Variants in BMP7 observed in about 807,000 individuals in gnomAD.
BMP7 encodes bone morphogenetic protein 7, also known as osteogenic protein 1.
In BMP7, 12 loss-of-function variants were observed where a neutral mutation model predicts 41.2. The observed-to-expected ratio is 0.29, with a 90% CI of 0.19 to 0.47. The LOEUF (loss-of-function observed/expected upper bound fraction) is 0.47, where lower values mean the gene tolerates loss of function less well. BMP7 is among the 20% of genes least tolerant of loss of function. The pLI, the probability that BMP7 is intolerant of heterozygous loss-of-function variation, is 0.99. For missense variants in BMP7, 467 were observed against 606.0 expected (o/e 0.77, Z 2.41); for synonymous variants, 248 against 250.0 (o/e 0.99, Z 0.07).
At chr20:57,245,805 A>AT (rs1194009991) in intron 1 of BMP7, among the ~76,000 whole-genome samples, 2 of 151,102 alleles carry the variant, frequency 1.3e-5, no homozygotes, top group African/African-American at 2.4e-5. Flanking sequence ...CGCCCAGCTG[A>AT]TTTTTTGTAT....
chr20:57,219,113 G>A (rs1985119419), intron 2 of BMP7, among the ~76,000 whole-genome samples: 1 of 122,922 alleles, frequency 8.1e-6, no homozygotes, highest in Admixed American at 7.5e-5. Context: ...GGTGGTAGCT[G>A]GTGTTTGTTC....
chr20:57,188,800 C>T (rs1048767390), intron 3 of BMP7, among the ~76,000 whole-genome samples: 8 of 152,220 alleles, frequency 5.3e-5, no homozygotes, highest in African/African-American at 1.9e-4. Context: ...CCATCCTCAA[C>T]ACAGCCCCAG....
At chr20:57,201,016 A>G (rs1023738306) in intron 3 of BMP7, among the ~76,000 whole-genome samples, 5 of 152,156 alleles carry the variant, frequency 3.3e-5, no homozygotes, top group Non-Finnish European at 5.9e-5. Context: ...TGTGTATTAC[A>G]GTTAGGTCCT....
At chr20:57,240,251 A>G (rs963612405) in intron 1 of BMP7, among the ~76,000 whole-genome samples, 1 of 152,200 alleles carries the variant, frequency 6.6e-6, no homozygotes, top group South Asian at 2.1e-4. Context: ...CTCAAATTCA[A>G]AGTTCCACAA....
At chr20:57,198,296 G>A (rs1281694951) in intron 3 of BMP7, among the ~76,000 whole-genome samples, 3 of 151,812 alleles carry the variant, frequency 2.0e-5, no homozygotes, top group African/African-American at 7.3e-5. Flanking sequence ...GATTCACCCC[G>A]GGTCTCTGAC....
chr20:57,216,489 CGCTGTCTCCTGAGGGCGAGGGG>C lies in BMP7; in HGVS notation c.611+11718_611+11739del, dbSNP rs1263202948. Reference sequence around the variant, plus strand: ...AGAGGGGTGCACCTGAGGACGAGGGCGCTGTCTCCTGAGGGCGAGGGGGCTGTCTCCTGAGGGCGAGGGGGCT... The same window carrying C: ...AGAGGGGTGCACCTGAGGACGAGGGCGCTGTCTCCTGAGGGCGAGGGGGCT... On this transcript the variant is annotated intron_variant, in intron 2 of 6. Transcript: ENST00000395863. Among the ~76,000 whole-genome samples, 516 of 133,784 alleles carry C rather than the reference CGCTGTCTCCTGAGGGCGAGGGG, an allele frequency of 3.9e-3. 2 individuals carry two copies. Among genetic ancestry groups the C allele is most frequent in the East Asian group, 9.0e-3 (45 of 5,006 alleles). The allele number at this position is 133,784 out of a possible 152,430, so 87.8% of individuals were successfully genotyped here.
chr20:57,227,966 C>T (rs1480415798), intron 2 of BMP7, among the ~76,000 whole-genome samples: 3 of 152,156 alleles, frequency 2.0e-5, no homozygotes, highest in Admixed American at 1.3e-4. Context: ...CCTTAGCACC[C>T]AGCCAGATCT....
Position 57,266,057 on chromosome 20 carries a change from G to T in BMP7, c.66C>A (p.Phe22Leu), listed in dbSNP as rs980184645. 3 of 1,541,562 alleles carry T rather than the reference G, an allele frequency of 1.9e-6. No homozygotes were observed. The highest frequency in any genetic ancestry group is 2.4e-5 in the East Asian group (1 of 40,912). Residue 22 changes from phenylalanine (F) to leucine (L), a missense_variant, in exon 1 of 7, where the codon TTC (phenylalanine) becomes TTA (leucine). Physicochemically the swap from Phe to Leu is conservative, Grantham distance 22 (BLOSUM62 0). Coordinates refer to ENST00000395863, the MANE Select transcript of BMP7 (RefSeq NM_001719.3). ...HSFVALWAPL[F>L]LLRSALADFS... ...AGTCGGCCAGGGCGGAGCGCAGCAG[G>T]AACAGGGGTGCCCAGAGCGCCACGA... is the stretch of plus-strand genomic sequence containing the variant.
rs2146032389 is a variant in BMP7, at chr20:57,259,832, T to A, written c.418+5873A>T. 6.6e-6 allele frequency among the ~76,000 whole-genome samples: 1 copy of A among 152,322 alleles called. No homozygotes were observed. Among genetic ancestry groups the A allele is most frequent in the South Asian group, 2.1e-4 (1 of 4,832 alleles). ...CAGTCCTAGTATTCCCTGGCATTGC[T>A]ATTTCAGTTTGAGTTTGAGCAATTT... On this transcript the variant is annotated intron_variant, in intron 1 of 6. Coordinates refer to ENST00000395863, the MANE Select transcript of BMP7 (RefSeq NM_001719.3). This position sits in a 1 kb window ranked among gnomAD's most constrained non-coding sequence, Gnocchi z 4.7.
chr20:57,239,423 G>A (rs896724869), intron 1 of BMP7, among the ~76,000 whole-genome samples: 1 of 152,180 alleles, frequency 6.6e-6, no homozygotes, highest in Non-Finnish European at 1.5e-5. Flanking sequence ...GCAGGGTACG[G>A]CCTCCCTCCC....
rs1194713927 is a variant in BMP7, at chr20:57,171,489, A to G, written c.1147-381T>C. On this transcript the variant is annotated intron_variant, in intron 6 of 6. Transcript: ENST00000395863. This position sits in a 1 kb window ranked among gnomAD's most constrained non-coding sequence, Gnocchi z 4.5. ...GCTCATGGACTTCTCTGCACCTTACAGAGGATGTGGGACAGGGACACATAG... is the reference window on the plus strand; with the variant it reads ...GCTCATGGACTTCTCTGCACCTTACGGAGGATGTGGGACAGGGACACATAG... 2.0e-5 allele frequency among the ~76,000 whole-genome samples: 3 copies of G among 152,212 alleles called. No individual in the cohort carries two copies. The highest frequency in any genetic ancestry group is 7.2e-5 in the African/African-American group (3 of 41,444).
chr20:57,248,729 G>C (rs2066099721), intron 1 of BMP7, among the ~76,000 whole-genome samples: 2 of 152,156 alleles, frequency 1.3e-5, no homozygotes, highest in South Asian at 4.1e-4. Flanking sequence ...ATGTTTTTGT[G>C]CTGAAGCCAT....
At chr20:57,246,619 T>G (rs2037272792) in intron 1 of BMP7, among the ~76,000 whole-genome samples, 1 of 152,230 alleles carries the variant, frequency 6.6e-6, no homozygotes. Context: ...CTCATTTATC[T>G]GCTCTGTAAA....
chr20:57,255,820 A>G (rs963867564), intron 1 of BMP7, among the ~76,000 whole-genome samples: 3 of 151,110 alleles, frequency 2.0e-5, no homozygotes, highest in Non-Finnish European at 4.4e-5. Flanking sequence ...AAAAAAAAAA[A>G]AAAAGAAAGA....
intron 1 of BMP7, among the ~76,000 whole-genome samples, chr20:57,249,451 G>A (rs1435052655): frequency 6.6e-6 from 1 of 152,108 alleles, no homozygotes; most frequent in African/African-American, 2.4e-5. Flanking sequence ...AGCTTCCCAT[G>A]GAAATTCAAA....
chr20:57,253,755 A>C lies in BMP7; in HGVS notation c.418+11950T>G, dbSNP rs138856661. Reference sequence around the variant, plus strand: ...TGCTTCCTTTAAAAAAAATAAATAAACTTTTTATTTTAGAATAACTTTATA... The same window carrying C: ...TGCTTCCTTTAAAAAAAATAAATAACCTTTTTATTTTAGAATAACTTTATA... On this transcript the variant is annotated intron_variant, in intron 1 of 6. Coordinates refer to ENST00000395863, the MANE Select transcript of BMP7 (RefSeq NM_001719.3). 7.1e-3 allele frequency among the ~76,000 whole-genome samples: 1,081 copies of C among 152,186 alleles called. 44 individuals are homozygous for C. Among genetic ancestry groups the C allele is most frequent in the Admixed American group, 0.059 (901 of 15,280 alleles).
At chr20:57,206,381 T>C (rs1984731968) in intron 2 of BMP7, among the ~76,000 whole-genome samples, 1 of 152,034 alleles carries the variant, frequency 6.6e-6, no homozygotes, top group Admixed American at 6.6e-5. Context: ...ATGAGAAAAG[T>C]TGGGGTCAGT....
At position 57,237,027 on chromosome 20, in the gene BMP7, G is replaced by A. The variant is rs149056145; in HGVS notation, c.419-8606C>T. Among the ~76,000 whole-genome samples the A allele has an allele frequency of 6.0e-4, 91 of 152,272 alleles. 1 individual carries two copies. The highest frequency in any genetic ancestry group is 1.8e-3 in the African/African-American group (74 of 41,562). ...CCCTCTCACTGCCCCCAAAGATGCC[G>A]CTAAACTATGAGGCAGGAACAAATA... On this transcript the variant is annotated intron_variant, in intron 1 of 6. Coordinates refer to ENST00000395863, the MANE Select transcript of BMP7 (RefSeq NM_001719.3).
At chr20:57,194,803 C>T (rs1054907300) in intron 3 of BMP7, among the ~76,000 whole-genome samples, 1 of 152,170 alleles carries the variant, frequency 6.6e-6, no homozygotes, top group African/African-American at 2.4e-5. Flanking sequence ...TACCGGGGAC[C>T]CAATGCTAGG....
Sources: allele counts gnomAD v4.1 joint callset (sites outside exome capture counted in the v4.1 genomes callset), GRCh38; gene constraint gnomAD v4.1.1; non-coding constraint Gnocchi (gnomAD v3.1); transcripts MANE v1.5; gene names NCBI Gene and HGNC (gene_info 2026-07-23, HGNC 2026-07-21).